ASPHD1: variants seen among roughly 807,000 people sequenced by gnomAD.
ASPHD1 encodes the protein aspartate beta-hydroxylase domain containing 1.
In ASPHD1, 20 loss-of-function variants were observed where a neutral mutation model predicts 28.3. The observed-to-expected ratio is 0.71, with a 90% CI of 0.50 to 1.03. The LOEUF is 1.03. Among genes scored for constraint, ASPHD1 ranks in the 50% least tolerant of loss-of-function variants. The pLI is 0.00. For synonymous variants in ASPHD1, 240 were observed against 221.2 expected (o/e 1.08, Z -0.75); for missense variants, 479 against 524.1 (o/e 0.91, Z 0.84).
At chr16:29,910,576 C>A (rs976856734), downstream of ASPHD1, among the ~76,000 whole-genome samples, 2 of 152,070 alleles carry the variant, frequency 1.3e-5, no homozygotes, top group African/African-American at 4.8e-5. Context: ...CCAGGCTGGT[C>A]TCGAACTCCT....
At chr16:29,902,767 G>A (rs1319116718) in intron 1 of ASPHD1, among the ~76,000 whole-genome samples, 4 of 151,852 alleles carry the variant, frequency 2.6e-5, no homozygotes, top group East Asian at 1.9e-4. Flanking sequence ...AATCCGCCTC[G>A]GCCTCCCAAA....
At chr16:29,905,261 T>C in intron 2 of ASPHD1, 1 of 301,922 alleles carries the variant, frequency 3.3e-6, no homozygotes, top group Middle Eastern at 1.1e-3. Flanking sequence ...TTAACCTCCT[T>C]ATGCCTCTGT....
Position 29,901,872 on chromosome 16 carries a change from C to A in ASPHD1, c.901C>A (p.Leu301Ile). 1 of 1,532,284 alleles carries A rather than the reference C, an allele frequency of 6.5e-7. No homozygotes were observed. The highest frequency in any genetic ancestry group is 8.8e-7 in the Non-Finnish European group (1 of 1,142,204). 94.9% of individuals were successfully genotyped at this position (1,532,284 alleles called of 1,614,324 possible). The part of the protein sequence containing the change: ...GFSVLLPGAR[L>I]EGRCGPTNAR... ...TTCCGTTCTCCTGCCTGGGGCCCGG[C>A]TCGAGGGCCGCTGTGGGCCCACCAA... Residue 301 changes from leucine to isoleucine, a missense_variant, in exon 1 of 3, where the codon CTC becomes ATC. Transcript: ENST00000308748. This position sits in a 1 kb window ranked among gnomAD's most constrained non-coding sequence, Gnocchi z 5.1.
At chr16:29,911,157 G>C (rs1201214866) in intron 3 of ASPHD1, 1 of 1,613,890 alleles carries the variant, frequency 6.2e-7, no homozygotes, top group African/African-American at 1.3e-5. Flanking sequence ...TTCTTAAGTA[G>C]GTTGTCATCT....
chr16:29,903,334 C>T (rs1247862263), intron 1 of ASPHD1, among the ~76,000 whole-genome samples: 4 of 151,804 alleles, frequency 2.6e-5, no homozygotes, highest in Non-Finnish European at 1.5e-5. Context: ...CCAGCCTGGG[C>T]AACAAGAGCG....
At chr16:29,905,722 G>C in intron 2 of ASPHD1, 66 bp from the exon 3 acceptor site, 1 of 1,050,850 alleles carries the variant, frequency 9.5e-7, no homozygotes. Context: ...ATGGTGTTTG[G>C]TGAGTGCTCT....
chr16:29,907,917 C>T (rs931627249), downstream of ASPHD1, among the ~76,000 whole-genome samples: 3 of 150,742 alleles, frequency 2.0e-5, no homozygotes, highest in Non-Finnish European at 4.4e-5. Context: ...GCAGGAACAT[C>T]GTTAGAGCCC....
At chr16:29,902,883 CTTTTTCTTT>C (rs1297741216) in intron 1 of ASPHD1, among the ~76,000 whole-genome samples, 3 of 107,562 alleles carry the variant, frequency 2.8e-5, no homozygotes, top group East Asian at 2.4e-4. Flanking sequence ...GAGATTTTTT[CTTTTTCTTT>C]TTTTTTTTTT....
chr16:29,919,430 A>C (rs1215616570), intron 3 of ASPHD1: 1 of 152,196 alleles, frequency 6.6e-6, no homozygotes, highest in East Asian at 1.9e-4. Context: ...CTGAACCAGT[A>C]ATTACATTCG....
chr16:29,900,931 A>G lies in ASPHD1; in HGVS notation c.-41A>G, dbSNP rs1225167034. The stretch of plus-strand genomic sequence containing the variant: ...GAGGAGGAAGAAGAGGTAGAAGGAG[A>G]GAGAAAGGGGAGAGAAAGGAGAGAG... On this transcript the variant is annotated 5_prime_UTR_variant, in exon 1 of 3. Transcript: ENST00000308748. The G allele has an allele frequency of 6.6e-7, 1 of 1,523,776 alleles. No individual in the cohort carries two copies. Among genetic ancestry groups the G allele is most frequent in the Non-Finnish European group, 8.9e-7 (1 of 1,124,874 alleles). 94.4% of individuals were successfully genotyped at this position (1,523,776 alleles called of 1,614,324 possible).
At chr16:29,911,872 C>A in intron 3 of ASPHD1, 2 of 1,611,904 alleles carry the variant, frequency 1.2e-6, no homozygotes, top group South Asian at 1.1e-5. Flanking sequence ...CACGGGCTGG[C>A]GGGGGAGAGA....
At chr16:29,915,560 G>A (rs1468296855) in intron 3 of ASPHD1, among the ~76,000 whole-genome samples, 1 of 150,912 alleles carries the variant, frequency 6.6e-6, no homozygotes, top group Admixed American at 6.6e-5. Context: ...GCTGAGACAG[G>A]AGAATCACTT....
downstream of ASPHD1, chr16:29,907,222 G>A (rs145650656): frequency 3.3e-3 from 2,326 of 714,988 alleles, 10 homozygotes; most frequent in Non-Finnish European, 4.7e-3. Context: ...TCAGGTCCTT[G>A]GGCCTGGCCT....
Position 29,901,976 on chromosome 16 carries a change from C to T in ASPHD1, c.949+56C>T. 1.5e-6 allele frequency: 2 copies of T among 1,338,776 alleles called. No homozygotes were observed. The highest frequency in any genetic ancestry group is 5.6e-5 in the East Asian group (2 of 35,556). 82.9% of individuals were successfully genotyped at this position (1,338,776 alleles called of 1,614,324 possible). A position where few individuals can be genotyped will look rare whatever the true frequency, so the allele number is the denominator to read the frequency against. On this transcript the variant is annotated intron_variant, in intron 1 of 2. Coordinates refer to ENST00000308748, the MANE Select transcript of ASPHD1 (RefSeq NM_181718.4). The surrounding 1 kb of genome is among the most constrained non-coding windows in gnomAD (Gnocchi z 5.1). ...TTGCCTCGATGATTTCCCCCCCAGA[C>T]CCTTCTCTCCGCCAGAGCCGTCTGC... is the stretch of plus-strand genomic sequence containing the variant.
chr16:29,905,348 G>A (rs767589016), intron 2 of ASPHD1, among the ~76,000 whole-genome samples: 5 of 151,998 alleles, frequency 3.3e-5, no homozygotes, highest in African/African-American at 7.2e-5. Context: ...CATATCGGCC[G>A]GGCATGGTGG....
chr16:29,912,121 A>C (rs908794205), intron 3 of ASPHD1: 1 of 1,083,318 alleles, frequency 9.2e-7, no homozygotes, highest in Admixed American at 2.2e-5. Flanking sequence ...AAGCCTTCAA[A>C]AGCTGGTTGG....
Position 29,901,675 on chromosome 16 carries a change from C to A in ASPHD1, c.704C>A (p.Thr235Asn), listed in dbSNP as rs1245573210. ...GTGAGCTGGGACTTCTCAGGGACTA[C>A]CCCTCCGCCTCGGGGCTGGTCCCCA... Reference protein sequence around the residue: ...GAVSWDFSGTTPPPRGWSPPL... With the variant: ...GAVSWDFSGTNPPPRGWSPPL... The change falls in exon 1 of 3, where the codon ACC (threonine) becomes AAC (asparagine). Residue 235 changes from threonine (T) to asparagine (N), a missense_variant. Coordinates refer to ENST00000308748, the MANE Select transcript of ASPHD1 (RefSeq NM_181718.4). This position sits in a 1 kb window ranked among gnomAD's most constrained non-coding sequence, Gnocchi z 5.1. The A allele has an allele frequency of 3.2e-6, 5 of 1,584,142 alleles. No homozygotes were observed. Among genetic ancestry groups the A allele is most frequent in the Non-Finnish European group, 4.3e-6 (5 of 1,170,380 alleles).
At chr16:29,906,479 A>AG (rs1157131302), downstream of ASPHD1, 3 of 465,674 alleles carry the variant, frequency 6.4e-6, no homozygotes, top group Admixed American at 4.7e-5. Context: ...GGTGGGGAGG[A>AG]GGGGGCGGAC....
In ASPHD1 at chr16:29,901,372, G is replaced by A. The variant is rs1285577636; in HGVS notation, c.401G>A (p.Gly134Glu). The change falls in exon 1 of 3, where the codon GGG (glycine) becomes GAG (glutamate). Residue 134 changes from glycine (G) to glutamate (E), a missense_variant. Physicochemically the swap from Gly to Glu is moderately conservative, Grantham distance 98 (BLOSUM62 -2). Coordinates refer to ENST00000308748, the MANE Select transcript of ASPHD1 (RefSeq NM_181718.4). The surrounding 1 kb of genome is among the most constrained non-coding windows in gnomAD (Gnocchi z 5.1). ...GGCGGGCCAAGCCCAGGGGGTCCTGGGGATCCCGGGGAAGGACCTAGGACG... is the reference window on the plus strand; with the variant it reads ...GGCGGGCCAAGCCCAGGGGGTCCTGAGGATCCCGGGGAAGGACCTAGGACG... ...EAGGPSPGGPGDPGEGPRTEG... is the reference protein window; with the variant it reads ...EAGGPSPGGPEDPGEGPRTEG... The A allele has an allele frequency of 1.3e-6, 2 of 1,592,468 alleles. No homozygotes were observed. Among genetic ancestry groups the A allele is most frequent in the Admixed American group, 3.5e-5 (2 of 56,400 alleles).
Sources: gnomAD v4.1 joint callset for allele counts (sites outside exome capture counted in the v4.1 genomes callset) on GRCh38, gnomAD v4.1.1 for gene constraint, Gnocchi (gnomAD v3.1) non-coding constraint, MANE v1.5 for transcripts, NCBI Gene and HGNC (gene_info 2026-07-23, HGNC 2026-07-21) for gene names.